Variants in EIF4G3 observed in about 807,000 individuals in gnomAD.
The protein encoded by EIF4G3 is eIF-4-gamma 3.
Under a neutral mutation model 186.4 loss-of-function variants are expected in EIF4G3, and 34 were observed. The ratio of observed to expected loss-of-function variants is 0.18; its 90% CI spans 0.14 to 0.24. EIF4G3 has a LOEUF of 0.24. Among genes scored for constraint, EIF4G3 ranks in the 10% least tolerant of loss-of-function variants. The pLI is 1.00. For missense variants in EIF4G3, 1,536 were observed against 1,948.5 expected (o/e 0.79, Z 3.99); for synonymous variants, 673 against 679.5 (o/e 0.99, Z 0.15).
intron 12 of EIF4G3, among the ~76,000 whole-genome samples, chr1:20,953,054 T>A (rs2096282108): frequency 1.3e-5 from 2 of 152,336 alleles, no homozygotes; most frequent in Non-Finnish European, 2.9e-5. Context: ...GCTAGACAGT[T>A]AAGAATATAT....
At chr1:21,109,117 C>T (rs116507272) in intron 2 of EIF4G3, among the ~76,000 whole-genome samples, 149 of 152,178 alleles carry the variant, frequency 9.8e-4, no homozygotes, top group Non-Finnish European at 1.6e-3. Context: ...ACTCAGTAGG[C>T]TGACGCACAA....
intron 20 of EIF4G3, among the ~76,000 whole-genome samples, chr1:20,868,543 C>A (rs2078221449): frequency 1.3e-5 from 2 of 152,008 alleles, no homozygotes; most frequent in South Asian, 4.1e-4. Flanking sequence ...TAGTAAGAGT[C>A]AGGGCTTCAA....
chr1:21,014,979 T>C (rs2088474312), intron 4 of EIF4G3, among the ~76,000 whole-genome samples: 1 of 148,070 alleles, frequency 6.8e-6, no homozygotes, highest in Admixed American at 6.8e-5. Context: ...CTCAATAAGC[T>C]AAAGAAAGGT....
chr1:21,170,541 C>T (rs762004842), intron 2 of EIF4G3, among the ~76,000 whole-genome samples: 37 of 151,584 alleles, frequency 2.4e-4, no homozygotes, highest in Non-Finnish European at 4.4e-4. Context: ...TGTGATGGCG[C>T]GCACCTGTAA....
chr1:20,818,376 C>G (rs1174901841), intron 33 of EIF4G3, among the ~76,000 whole-genome samples: 1 of 152,156 alleles, frequency 6.6e-6, no homozygotes, highest in Non-Finnish European at 1.5e-5. Flanking sequence ...CAGTGGCTCA[C>G]ACCAGTAATC....
At chr1:20,981,020 G>T in intron 9 of EIF4G3, 28 bp downstream of exon 9, 1 of 1,472,138 alleles carries the variant, frequency 6.8e-7, no homozygotes, top group South Asian at 1.5e-5. Flanking sequence ...TCTATTGCTG[G>T]ACCACCTAGG....
intron 14 of EIF4G3, among the ~76,000 whole-genome samples, chr1:20,918,701 CTTTTTT>C (rs35704755): frequency 1.6e-4 from 15 of 94,902 alleles, no homozygotes; most frequent in African/African-American, 3.1e-4. Flanking sequence ...CTCCTAGTAT[CTTTTTT>C]TTTTTTTTTT....
intron 4 of EIF4G3, among the ~76,000 whole-genome samples, chr1:21,023,473 C>T (rs2091325758): frequency 6.6e-6 from 1 of 152,016 alleles, no homozygotes; most frequent in Admixed American, 6.6e-5. Flanking sequence ...TTGGCCGGGC[C>T]AGTCTCCAGC....
At chr1:21,118,877 TG>T (rs2096876879) in intron 2 of EIF4G3, among the ~76,000 whole-genome samples, 2 of 137,948 alleles carry the variant, frequency 1.4e-5, no homozygotes, top group Admixed American at 1.6e-4. Context: ...GGATCATACC[TG>T]TGAATAGCCA....
chr1:20,876,521 T>C lies in EIF4G3; in HGVS notation c.2622+2802A>G, dbSNP rs75402797. On this transcript the variant is annotated intron_variant, in intron 20 of 36. Coordinates refer to ENST00000602326, the MANE Select transcript of EIF4G3 (RefSeq NM_001391906.1). The stretch of plus-strand genomic sequence containing the variant: ...AAAACCAAAAAAACCTCTTTATACA[T>C]ACTCATATTTTCATGTGATTTTATA... Among the ~76,000 whole-genome samples the C allele has an allele frequency of 8.0e-5, 12 of 150,034 alleles. No individual in the cohort carries two copies. The East Asian group carries it at 1.4e-3, about 17-fold the overall frequency.
At chr1:20,878,568 TGAGA>T in intron 20 of EIF4G3, among the ~76,000 whole-genome samples, 1 of 152,300 alleles carries the variant, frequency 6.6e-6, no homozygotes, top group Admixed American at 6.5e-5. Context: ...ATTGGTAGAA[TGAGA>T]GAATTTTGCA....
intron 2 of EIF4G3, among the ~76,000 whole-genome samples, chr1:21,128,724 T>C (rs1461893419): frequency 2.0e-5 from 3 of 152,094 alleles, no homozygotes; most frequent in Non-Finnish European, 4.4e-5. Flanking sequence ...CTAAATCTAG[T>C]TTTTTCACCT....
chr1:21,133,697 T>C (rs777700987), intron 2 of EIF4G3, among the ~76,000 whole-genome samples: 1 of 152,156 alleles, frequency 6.6e-6, no homozygotes, highest in Non-Finnish European at 1.5e-5. Flanking sequence ...ATTGACACTA[T>C]CTCTAACAAT....
intron 33 of EIF4G3, among the ~76,000 whole-genome samples, chr1:20,823,917 A>G (rs1037687370): frequency 6.6e-6 from 1 of 152,228 alleles, no homozygotes; most frequent in Non-Finnish European, 1.5e-5. Flanking sequence ...TTTGTAGAAA[A>G]TAAGGGGACC....
At chr1:21,121,286 A>G (rs1376333145) in intron 2 of EIF4G3, among the ~76,000 whole-genome samples, 1 of 152,236 alleles carries the variant, frequency 6.6e-6, no homozygotes, top group Non-Finnish European at 1.5e-5. Flanking sequence ...GAGAGCTTCC[A>G]TATGTTATAA....
chr1:20,957,776 TGC>T (rs2096471764), intron 12 of EIF4G3, among the ~76,000 whole-genome samples: 1 of 152,146 alleles, frequency 6.6e-6, no homozygotes, highest in African/African-American at 2.4e-5. Flanking sequence ...AACAACTTTA[TGC>T]ATACAAACTA....
At chr1:20,817,346 A>T in intron 34 of EIF4G3, 46 bp downstream of exon 34, 2 of 1,354,288 alleles carry the variant, frequency 1.5e-6, no homozygotes, top group Admixed American at 2.4e-5. Context: ...ATCCCACAAG[A>T]ATCTTTCCTG....
In EIF4G3 at chr1:20,862,379, G is replaced by A. The variant is rs764654973; in HGVS notation, c.3007-47C>T. On this transcript the variant is annotated intron_variant, in intron 22 of 36. Coordinates refer to ENST00000602326, the MANE Select transcript of EIF4G3 (RefSeq NM_001391906.1). ...GTACTCCTGTCTGAGAAACTTAAAC[G>A]TAATTTTACCAATTTACAGTTATTT... 1.8e-5 allele frequency: 20 copies of A among 1,138,796 alleles called. No homozygotes were observed. The East Asian group carries it at 3.4e-4, about 19-fold the overall frequency. 70.5% of individuals were successfully genotyped at this position (1,138,796 alleles called of 1,614,324 possible).
At chr1:21,166,806 G>C (rs779101226) in intron 2 of EIF4G3, among the ~76,000 whole-genome samples, 2 of 151,960 alleles carry the variant, frequency 1.3e-5, no homozygotes, top group African/African-American at 4.8e-5. Context: ...TTTTGAGACA[G>C]GGTCTCACTC....
Sources: allele counts gnomAD v4.1 joint callset (sites outside exome capture counted in the v4.1 genomes callset), GRCh38; gene constraint gnomAD v4.1.1; transcripts MANE v1.5; gene names NCBI Gene and HGNC (gene_info 2026-07-23, HGNC 2026-07-21).